The following CSNK1G3 variants were observed in gnomAD, a reference collection of about 807,000 sequenced individuals.
The protein encoded by CSNK1G3 is casein kinase 1 gamma 3, also known as casein kinase I isoform gamma-3.
A neutral mutation model predicts 64.3 loss-of-function variants in CSNK1G3; 23 were observed. The observed-to-expected ratio is 0.36, with a 90% CI of 0.26 to 0.51. CSNK1G3 has a LOEUF of 0.51. Among genes scored for constraint, CSNK1G3 ranks in the 20% least tolerant of loss-of-function variants. The probability of loss-of-function intolerance (pLI) is 0.96; values close to 1 mark genes in which losing one functional copy is unlikely to be tolerated. For synonymous variants in CSNK1G3, 158 were observed against 162.2 expected, an observed-to-expected ratio of 0.97 and a Z score of 0.20; for missense variants, 357 against 510.5, an observed-to-expected ratio of 0.70 and a Z score of 2.90.
chr5:123,565,864 G>A (rs1173047173), intron 4 of CSNK1G3, among the ~76,000 whole-genome samples: 1 of 152,138 alleles, frequency 6.6e-6, no homozygotes, highest in Non-Finnish European at 1.5e-5. Context: ...CATGAGAACA[G>A]CACAAACCCA....
intron 3 of CSNK1G3, among the ~76,000 whole-genome samples, chr5:123,556,954 A>G (rs1319427306): frequency 6.6e-6 from 1 of 152,056 alleles, no homozygotes; most frequent in Non-Finnish European, 1.5e-5. Context: ...TGTTCTATAG[A>G]TTGGTGTGGT....
Position 123,605,298 on chromosome 5 carries a change from CT to C in CSNK1G3, c.1194-33del, listed in dbSNP as rs369974369. 440 of 1,534,552 alleles carry C rather than the reference CT, an allele frequency of 2.9e-4. 3 individuals are homozygous for C. In the East Asian group the frequency reaches 6.0e-3, roughly 21 times the overall value. Reference sequence around the variant, plus strand: ...GAGCTGTTTCTGATTCTCTCTCTCTCTTTTTTTTCCTTGTATTTTTTTTTTT... The same window carrying C: ...GAGCTGTTTCTGATTCTCTCTCTCTCTTTTTTTCCTTGTATTTTTTTTTTT... On this transcript the variant is annotated intron_variant, in intron 11 of 12. Coordinates refer to ENST00000345990, the Ensembl canonical transcript of CSNK1G3.
At chr5:123,564,456 T>A (rs1786427224) in intron 4 of CSNK1G3, among the ~76,000 whole-genome samples, 2 of 151,932 alleles carry the variant, frequency 1.3e-5, no homozygotes, top group South Asian at 4.1e-4. Context: ...ATTATGAAAA[T>A]TTCATATTTA....
At chr5:123,597,169 T>A (rs1403034868) in intron 10 of CSNK1G3, among the ~76,000 whole-genome samples, 1 of 152,112 alleles carries the variant, frequency 6.6e-6, no homozygotes, top group African/African-American at 2.4e-5. Context: ...GAAAAAAACT[T>A]TTCAGTAATA....
At chr5:123,555,549 C>T (rs752247120) in intron 3 of CSNK1G3, among the ~76,000 whole-genome samples, 1 of 152,096 alleles carries the variant, frequency 6.6e-6, no homozygotes, top group Non-Finnish European at 1.5e-5. Context: ...TGCTTTCACT[C>T]CATTATCTCT....
chr5:123,573,381 C>A lies in CSNK1G3; in HGVS notation c.290-12C>A. On this transcript the variant is annotated splice_polypyrimidine_tract_variant and intron_variant, in intron 4 of 12. Transcript: ENST00000345990. The stretch of plus-strand genomic sequence containing the variant: ...TGATGAAATTATTAAATGAGTATTT[C>A]TTTTCCCCCAGATGGTATACCTCAA... 1 of 1,612,310 alleles carries A rather than the reference C, an allele frequency of 6.2e-7. No homozygotes were observed. Among genetic ancestry groups the A allele is most frequent in the Admixed American group, 1.7e-5 (1 of 59,974 alleles).
Position 123,576,033 on chromosome 5 carries a change from G to T in CSNK1G3, c.673+70G>T, listed in dbSNP as rs369712098. 4.5e-5 allele frequency: 44 copies of T among 981,904 alleles called. No individual in the cohort carries two copies. In the African/African-American group the frequency reaches 6.9e-4, roughly 15 times the overall value. The allele number at this position is 981,904 out of a possible 1,614,324, so 60.8% of individuals were successfully genotyped here. A position where few individuals can be genotyped will look rare whatever the true frequency, so the allele number is the denominator to read the frequency against. On this transcript the variant is annotated intron_variant, in intron 6 of 12. Coordinates refer to ENST00000345990, the Ensembl canonical transcript of CSNK1G3. ...GTGCTAACACTGTGAGTTTTTATTT[G>T]TTATGGTTCAGTTTTTGCAGATTAT...
intron 2 of CSNK1G3, among the ~76,000 whole-genome samples, chr5:123,546,411 G>C (rs1782525138): frequency 6.6e-6 from 1 of 151,958 alleles, no homozygotes; most frequent in Non-Finnish European, 1.5e-5. Context: ...GGGAAACACT[G>C]GTCTAATTAA....
Position 123,553,087 on chromosome 5 carries a change from A to ATT in CSNK1G3, c.179-12_179-11dup. 3 of 1,310,990 alleles carry ATT rather than the reference A, an allele frequency of 2.3e-6. No homozygotes were observed. Among genetic ancestry groups the ATT allele is most frequent in the East Asian group, 2.6e-5 (1 of 37,972 alleles). The allele number at this position is 1,310,990 out of a possible 1,614,324, so 81.2% of individuals were successfully genotyped here. ...TAAAATCAATTACTGGCAGAATCTGATTTTTTTTTCTTTTTCAAGGGAAAA... is the reference window on the plus strand; with the variant it reads ...TAAAATCAATTACTGGCAGAATCTGATTTTTTTTTTTCTTTTTCAAGGGAAAA... On this transcript the variant is annotated intron_variant, in intron 2 of 12. Transcript: ENST00000345990.
Position 123,606,500 on chromosome 5 carries a change from C to CT in CSNK1G3, c.1217+1143dup, listed in dbSNP as rs767884992. Among the ~76,000 whole-genome samples, 16 of 152,164 alleles carry CT rather than the reference C, an allele frequency of 1.1e-4. No homozygotes were observed. The East Asian group carries it at 1.7e-3, about 17-fold the overall frequency. On this transcript the variant is annotated intron_variant, in intron 12 of 12. Coordinates refer to ENST00000345990, the Ensembl canonical transcript of CSNK1G3. ...TTGTTACCTTCAAGAAAGCTTGTTT[C>CT]TTTTTCTGTAAAATGAAGCTAATAA...
chr5:123,552,390 T>C (rs1235205566), intron 2 of CSNK1G3, among the ~76,000 whole-genome samples: 2 of 152,184 alleles, frequency 1.3e-5, no homozygotes, highest in Non-Finnish European at 2.9e-5. Flanking sequence ...ATGATCCACC[T>C]GCCTCAGCCT....
At chr5:123,524,873 TG>T (rs1778756907) in intron 1 of CSNK1G3, among the ~76,000 whole-genome samples, 1 of 152,122 alleles carries the variant, frequency 6.6e-6, no homozygotes, top group African/African-American at 2.4e-5. Context: ...TGAAGGATAA[TG>T]GGTGGGGGGG....
intron 2 of CSNK1G3, among the ~76,000 whole-genome samples, chr5:123,547,774 T>C (rs552408760): frequency 1.3e-5 from 2 of 152,278 alleles, no homozygotes; most frequent in African/African-American, 2.4e-5. Flanking sequence ...ACTTATAATA[T>C]GTACGCATAG....
chr5:123,530,448 C>G (rs1779744094), intron 1 of CSNK1G3, among the ~76,000 whole-genome samples: 3 of 152,088 alleles, frequency 2.0e-5, no homozygotes, highest in Admixed American at 6.6e-5. Context: ...TGTAGAAATG[C>G]TTTTTGATTA....
chr5:123,576,514 T>C (rs965588991), intron 6 of CSNK1G3, among the ~76,000 whole-genome samples: 7 of 152,274 alleles, frequency 4.6e-5, no homozygotes, highest in Non-Finnish European at 5.9e-5. Context: ...TTCACAGGAT[T>C]TTTTATAGCA....
intron 4 of CSNK1G3, among the ~76,000 whole-genome samples, chr5:123,566,555 A>G (rs565565211): frequency 1.1e-4 from 17 of 152,126 alleles, no homozygotes; most frequent in Admixed American, 2.6e-4. Context: ...CTACCTTGTG[A>G]CCTAACCTAC....
intron 1 of CSNK1G3, among the ~76,000 whole-genome samples, chr5:123,544,697 A>G (rs1334762731): frequency 1.3e-5 from 2 of 152,210 alleles, no homozygotes; most frequent in African/African-American, 4.8e-5. Context: ...GCCTTGAAAA[A>G]TATTTTGAGC....
At chr5:123,530,042 G>T (rs952119799) in intron 1 of CSNK1G3, among the ~76,000 whole-genome samples, 1 of 151,274 alleles carries the variant, frequency 6.6e-6, no homozygotes, top group Non-Finnish European at 1.5e-5. Flanking sequence ...AGATGTGTTC[G>T]GGCCACTGCA....
chr5:123,561,627 T>C (rs1357493462), intron 4 of CSNK1G3, among the ~76,000 whole-genome samples: 1 of 152,128 alleles, frequency 6.6e-6, no homozygotes, highest in East Asian at 1.9e-4. Flanking sequence ...GAAATGAAAT[T>C]ACTATTTGTG....
Sources: allele counts gnomAD v4.1 joint callset (sites outside exome capture counted in the v4.1 genomes callset), GRCh38; gene constraint gnomAD v4.1.1; transcripts MANE v1.5; gene names NCBI Gene and HGNC (gene_info 2026-07-23, HGNC 2026-07-21).